SHC2: variants seen among roughly 807,000 people sequenced by gnomAD.
SHC2 encodes the protein SHC adaptor protein 2, also known as SHC-transforming protein 2.
A neutral mutation model predicts 60.6 loss-of-function variants in SHC2; 62 were observed. The observed-to-expected ratio is 1.02, with a 90% CI of 0.83 to 1.26. The LOEUF is 1.26. Among genes scored for constraint, SHC2 ranks in the 50% most tolerant of loss-of-function variants. SHC2 has a pLI of 0.00. For missense variants in SHC2, 873 were observed against 822.2 expected (o/e 1.06, Z -0.76); for synonymous variants, 375 against 372.4 (o/e 1.01, Z -0.08).
In SHC2 at chr19:440,679, G is replaced by A. The variant is rs879661046; in HGVS notation, c.539+183C>T. On this transcript the variant is annotated intron_variant, in intron 2 of 12. Transcript: ENST00000264554. The surrounding 1 kb of genome is among the most constrained non-coding windows in gnomAD (Gnocchi z 7.0). ...TCGAGGTCTGCAGGGCACGGTGACC[G>A]ACACCTGGCGTGGGGACAGGGCGGA... Among the ~76,000 whole-genome samples the A allele has an allele frequency of 1.3e-5, 2 of 152,180 alleles. No homozygotes were observed. Among genetic ancestry groups the A allele is most frequent in the African/African-American group, 2.4e-5 (1 of 41,446 alleles).
chr19:458,889 G>A (rs552292558), intron 1 of SHC2, among the ~76,000 whole-genome samples: 8 of 152,128 alleles, frequency 5.3e-5, no homozygotes, highest in African/African-American at 1.7e-4. Flanking sequence ...GTTGTACTGC[G>A]CAGGCCGAGC....
chr19:436,513 A>C, intron 5 of SHC2, 82 bp from the exon 6 acceptor site: 1 of 1,584,344 alleles, frequency 6.3e-7, no homozygotes, highest in South Asian at 1.1e-5. Context: ...ATGCAGAGAG[A>C]TGGGGCAGTG....
chr19:458,560 G>A (rs1007837359), intron 1 of SHC2, among the ~76,000 whole-genome samples: 3 of 139,640 alleles, frequency 2.1e-5, no homozygotes, highest in Admixed American at 1.4e-4. Context: ...AGGTGGAAGC[G>A]GGTCCTGGGG....
chr19:424,234 C>T lies in SHC2; in HGVS notation c.1309+863G>A, dbSNP rs906739490. Among the ~76,000 whole-genome samples the T allele has an allele frequency of 2.0e-5, 3 of 152,150 alleles. No homozygotes were observed. The highest frequency in any genetic ancestry group is 2.9e-5 in the Non-Finnish European group (2 of 68,004). On this transcript the variant is annotated intron_variant, in intron 10 of 12. Transcript: ENST00000264554. The surrounding 1 kb of genome is among the most constrained non-coding windows in gnomAD (Gnocchi z 4.5). ...CAAGGAAGGACAAGCCTCCTCCGCC[C>T]GGCTGGGGGCTCCCTCGGGCTGGGT...
At position 422,869 on chromosome 19, in the gene SHC2, CCT is replaced by C. The variant is rs1974318020; in HGVS notation, c.1310-415_1310-414del. ...AATACTCAAGACGACAGCCGGCACC[CCT>C]CTCTTGCCCCTAGCGTTAAAATGTT... On this transcript the variant is annotated intron_variant, in intron 10 of 12. Transcript: ENST00000264554. This position sits in a 1 kb window ranked among gnomAD's most constrained non-coding sequence, Gnocchi z 5.0. 1 of 168,712 alleles carries C rather than the reference CCT, an allele frequency of 5.9e-6. No homozygotes were observed. The highest frequency in any genetic ancestry group is 5.9e-5 in the Admixed American group (1 of 16,864). The allele number at this position is 168,712 out of a possible 1,614,324, so 10.5% of individuals were successfully genotyped here.
intron 11 of SHC2, among the ~76,000 whole-genome samples, chr19:420,266 G>A (rs1313760187): frequency 1.3e-5 from 2 of 152,154 alleles, no homozygotes; most frequent in African/African-American, 2.4e-5. Flanking sequence ...GGCAGCTCTC[G>A]CCCAAGCCCT....
At position 450,906 on chromosome 19, in the gene SHC2, T is replaced by C. The variant is rs1162516230; in HGVS notation, c.468+9623A>G. Among the ~76,000 whole-genome samples the C allele has an allele frequency of 3.4e-5, 5 of 147,624 alleles. No individual in the cohort carries two copies. The South Asian group carries it at 8.6e-4, about 25-fold the overall frequency. ...CGTGGCCACATCATATTTCAGCGTG[T>C]GGATGGCCATGCCGTGGCCATGTCA... On this transcript the variant is annotated intron_variant, in intron 1 of 12. Transcript: ENST00000264554.
chr19:443,575 C>CGGATGGATGGAT (rs1974968995), intron 1 of SHC2, among the ~76,000 whole-genome samples: 1 of 47,004 alleles, frequency 2.1e-5, no homozygotes, highest in African/African-American at 8.7e-5. Context: ...GGTGGATGGA[C>CGGATGGATGGAT]GGGTGGGTGG....
chr19:420,316 C>A (rs1022835612), intron 11 of SHC2, among the ~76,000 whole-genome samples: 1 of 152,154 alleles, frequency 6.6e-6, no homozygotes, highest in African/African-American at 2.4e-5. Context: ...TGCACAAGAG[C>A]CCCCACCTGC....
chr19:447,902 T>C (rs1403543132), intron 1 of SHC2, among the ~76,000 whole-genome samples: 1 of 152,230 alleles, frequency 6.6e-6, no homozygotes, highest in Non-Finnish European at 1.5e-5. Flanking sequence ...ACAAGAACCC[T>C]AAGGTTTTGC....
intron 5 of SHC2, 79 bp downstream of exon 5, chr19:436,551 G>A (rs1169773346): frequency 3.8e-6 from 6 of 1,580,864 alleles, no homozygotes; most frequent in Middle Eastern, 1.7e-4. Context: ...CGTTAGGCGG[G>A]CTCTGGGGAA....
In SHC2 at chr19:426,219, G is replaced by A. The variant is rs892078252; in HGVS notation, c.1175-988C>T. 1.1e-4 allele frequency among the ~76,000 whole-genome samples: 16 copies of A among 152,300 alleles called. No homozygotes were observed. In the East Asian group the frequency reaches 3.1e-3, roughly 29 times the overall value. On this transcript the variant is annotated intron_variant, in intron 9 of 12. Coordinates refer to ENST00000264554, the MANE Select transcript of SHC2 (RefSeq NM_012435.3). ...ACGTGAGGCTGCACTAGCCCTTGCT[G>A]GGTGACGAGGGCAGAGGGGCTTCTC...
chr19:457,265 T>C (rs940966825), intron 1 of SHC2, among the ~76,000 whole-genome samples: 1 of 147,008 alleles, frequency 6.8e-6, no homozygotes, highest in Non-Finnish European at 1.5e-5. Context: ...TAGAACTCTG[T>C]CTGCAAACCC....
intron 1 of SHC2, among the ~76,000 whole-genome samples, chr19:442,891 GTGGA>G (rs1974929699): frequency 9.3e-6 from 1 of 106,978 alleles, no homozygotes; most frequent in African/African-American, 3.7e-5. Context: ...GGATGGGTGG[GTGGA>G]TGAATGGATG....
rs766538047 is a variant in SHC2, at chr19:425,409, A to G, written c.1175-178T>C. On this transcript the variant is annotated intron_variant, in intron 9 of 12. Coordinates refer to ENST00000264554, the MANE Select transcript of SHC2 (RefSeq NM_012435.3). This position sits in a 1 kb window ranked among gnomAD's most constrained non-coding sequence, Gnocchi z 4.1. ...CCCGTCTGCAGGTGCCACAGGGAGC[A>G]TCTTACAGCAGCAAAGCCCCGTCGG... is the stretch of plus-strand genomic sequence containing the variant. 1.3e-5 allele frequency among the ~76,000 whole-genome samples: 2 copies of G among 152,176 alleles called. No individual in the cohort carries two copies. The highest frequency in any genetic ancestry group is 2.9e-5 in the Non-Finnish European group (2 of 68,018).
intron 9 of SHC2, among the ~76,000 whole-genome samples, chr19:426,813 G>A (rs1374331595): frequency 3.6e-5 from 5 of 140,166 alleles, no homozygotes; most frequent in African/African-American, 1.4e-4. Context: ...GGACGACACC[G>A]AGAGGGGCAG....
At chr19:458,079 T>A (rs560709685) in intron 1 of SHC2, among the ~76,000 whole-genome samples, 4 of 67,656 alleles carry the variant, frequency 5.9e-5, no homozygotes, top group Non-Finnish European at 9.7e-5. Context: ...GAAGCGGGTC[T>A]TGGGGAGGCG....
At chr19:447,303 GGA>G (rs1396006129) in intron 1 of SHC2, among the ~76,000 whole-genome samples, 1 of 152,102 alleles carries the variant, frequency 6.6e-6, no homozygotes, top group Non-Finnish European at 1.5e-5. Context: ...CCGGGGATGG[GGA>G]GGGGGTGGAG....
rs370743596 is a variant in SHC2, at chr19:440,681, C to T, written c.539+181G>A. Among the ~76,000 whole-genome samples the T allele has an allele frequency of 1.4e-4, 22 of 152,216 alleles. No individual in the cohort carries two copies. The highest frequency in any genetic ancestry group is 5.1e-4 in the African/African-American group (21 of 41,454). ...GAGGTCTGCAGGGCACGGTGACCGA[C>T]ACCTGGCGTGGGGACAGGGCGGAGA... is the stretch of plus-strand genomic sequence containing the variant. On this transcript the variant is annotated intron_variant, in intron 2 of 12. Coordinates refer to ENST00000264554, the MANE Select transcript of SHC2 (RefSeq NM_012435.3). The surrounding 1 kb of genome is among the most constrained non-coding windows in gnomAD (Gnocchi z 7.0).
Sources: allele counts gnomAD v4.1 joint callset (sites outside exome capture counted in the v4.1 genomes callset), GRCh38; gene constraint gnomAD v4.1.1; non-coding constraint Gnocchi (gnomAD v3.1); transcripts MANE v1.5; gene names NCBI Gene and HGNC (gene_info 2026-07-23, HGNC 2026-07-21).